APOH: variants seen among roughly 807,000 people sequenced by gnomAD.
The protein encoded by APOH is apolipoprotein H.
A neutral mutation model predicts 39.8 loss-of-function variants in APOH; 48 were observed. That is an observed-to-expected ratio of 1.21 (90% CI 0.96 to 1.54). The LOEUF (loss-of-function observed/expected upper bound fraction) is 1.54. Ranked by LOEUF, APOH falls within the 40% of genes most tolerant of loss-of-function variation. APOH has a pLI of 0.00. For synonymous variants in APOH, 153 were observed against 151.1 expected, an observed-to-expected ratio of 1.01 and a Z score of -0.09; for missense variants, 415 against 421.2, an observed-to-expected ratio of 0.99 and a Z score of 0.13.
chr17:66,223,204 G>A lies in APOH; in HGVS notation c.415+494C>T, dbSNP rs569014858. On this transcript the variant is annotated intron_variant, in intron 4 of 7. Transcript: ENST00000205948. ...TCTGAAGGCAAAGCTGCCTCCTTTGGCCTTGCAGCCTCAGTGCTAACAAGA... is the reference window on the plus strand; with the variant it reads ...TCTGAAGGCAAAGCTGCCTCCTTTGACCTTGCAGCCTCAGTGCTAACAAGA... Among the ~76,000 whole-genome samples the A allele has an allele frequency of 2.6e-5, 4 of 152,296 alleles. No homozygotes were observed. The East Asian group carries it at 7.7e-4, about 29-fold the overall frequency.
Position 66,216,909 on chromosome 17 carries a change from T to G in APOH, c.663A>C (p.Lys221Asn). The G allele has an allele frequency of 6.2e-7, 1 of 1,612,380 alleles. No homozygotes were observed. Among genetic ancestry groups the G allele is most frequent in the Non-Finnish European group, 8.5e-7 (1 of 1,179,392 alleles). Residue 221 changes from lysine to asparagine, a missense_variant, in exon 6 of 8, where the codon AAA (lysine) becomes AAC (asparagine). This residue lies in a region of APOH where 288 missense variants were observed against 284.9 expected (regional missense o/e 1.01). Transcript: ENST00000205948. ...PDNGFVNYPA[K>N]PTLYYKDKAT... ...CTTTATCCTTGTAATAAAGTGTTGG[T>G]TTTGCAGGATAGTTCACAAATCCAT...
Position 66,220,686 on chromosome 17 carries a change from G to GCTT in APOH, c.469_471dup (p.Lys157dup). ...TAGAGGGAATTGTTTCCAGCTGATG[G>GCTT]CTTATAAACACGAAGTGTTGCAAAC... On this transcript the variant is annotated inframe_insertion, in exon 5 of 8. Coordinates refer to ENST00000205948, the MANE Select transcript of APOH (RefSeq NM_000042.3). The GCTT allele has an allele frequency of 6.2e-7, 1 of 1,614,128 alleles. No homozygotes were observed.
intron 3 of APOH, 51 bp downstream of exon 3, chr17:66,225,977 T>C: frequency 7.6e-7 from 1 of 1,309,830 alleles, no homozygotes. Flanking sequence ...AGCTTAAGGA[T>C]ACAAAAATGT....
At chr17:66,219,135 T>G (rs8178850) in intron 5 of APOH, among the ~76,000 whole-genome samples, 11,130 of 152,084 alleles carry the variant, frequency 0.073, 421 homozygotes, top group African/African-American at 0.098. Flanking sequence ...CTGGGTCAAT[T>G]GGGAAAATTT....
At position 66,220,585 on chromosome 17, in the gene APOH, A is replaced by G. The variant is rs2073391092; in HGVS notation, c.573T>C (p.His191=). ...ATTCTGGTAATTTAGTCCAATTTCC[A>G]TGTGTCGTGCAGGTAATTGTATCAT... ...FGNDTITCTT[H]GNWTKLPECR... The change falls in exon 5 of 8, where the codon CAT becomes CAC. Residue 191 remains histidine (H), a synonymous_variant. Coordinates refer to ENST00000205948, the MANE Select transcript of APOH (RefSeq NM_000042.3). 3.1e-6 allele frequency: 5 copies of G among 1,614,180 alleles called. No homozygotes were observed. The highest frequency in any genetic ancestry group is 3.4e-6 in the Non-Finnish European group (4 of 1,180,006).
intron 4 of APOH, among the ~76,000 whole-genome samples, chr17:66,221,381 G>GAGGAAGGAAGGAAGGA (rs1230021025): frequency 5.6e-4 from 16 of 28,406 alleles, no homozygotes; most frequent in African/African-American, 1.2e-3. Flanking sequence ...GGGAGGGAGG[G>GAGGAAGGAAGGAAGGA]AGGAAGGAAG....
At chr17:66,223,638 G>C in intron 4 of APOH, 60 bp downstream of exon 4, 1 of 1,440,018 alleles carries the variant, frequency 6.9e-7, no homozygotes, top group Non-Finnish European at 9.8e-7. Flanking sequence ...GTGAGACTTT[G>C]AGTGCTAAAA....
At chr17:66,219,884 T>C (rs1030553873) in intron 5 of APOH, among the ~76,000 whole-genome samples, 1 of 152,112 alleles carries the variant, frequency 6.6e-6, no homozygotes, top group Non-Finnish European at 1.5e-5. Flanking sequence ...CACTCCAGCC[T>C]GAGTGACAGA....
chr17:66,223,404 C>T lies in APOH; in HGVS notation c.415+294G>A, dbSNP rs113651159. ...AATGCCACACATATCCAAGCCACTT[C>T]CAAAGCACTATGAGAGCATTGGAGT... On this transcript the variant is annotated intron_variant, in intron 4 of 7. Transcript: ENST00000205948. Among the ~76,000 whole-genome samples the T allele has an allele frequency of 5.7e-4, 87 of 152,350 alleles. 1 individual carries two copies. Among genetic ancestry groups the T allele is most frequent in the African/African-American group, 1.9e-3 (79 of 41,588 alleles).
chr17:66,225,855 C>A (rs8178908), intron 3 of APOH, among the ~76,000 whole-genome samples, 173 bp downstream of exon 3: 3,937 of 149,582 alleles, frequency 0.026, 173 homozygotes, highest in African/African-American at 0.093. Context: ...CCAGCCTGGG[C>A]GACAGAGCGA....
intron 4 of APOH, among the ~76,000 whole-genome samples, chr17:66,223,349 T>C (rs769413785): frequency 2.9e-5 from 3 of 102,536 alleles, no homozygotes; most frequent in Non-Finnish European, 5.8e-5. Flanking sequence ...GAAGTTCCTC[T>C]AGTTAAGTGG....
intron 7 of APOH, 125 bp from the exon 8 acceptor site, chr17:66,212,313 C>A (rs957254163): frequency 1.4e-6 from 1 of 719,210 alleles, no homozygotes; most frequent in African/African-American, 1.8e-5. Flanking sequence ...GTGAATGAAA[C>A]CATTTAGTGT....
rs35449692 is a variant in APOH, at chr17:66,214,474, C to T, written c.961G>A (p.Glu321Lys). ...EDAQCIDGTI[E>K]VPKCFKEHSS... ...TTACCCTTGAAGCATTTGGGGACTT[C>T]GATAGTGCCATCTATACACTGAGCA... Residue 321 changes from glutamate (E) to lysine (K), a missense_variant, in exon 7 of 8, where the codon GAA becomes AAA. Physicochemically the swap from Glu to Lys is moderately conservative, Grantham distance 56. Around this residue, in one of 3 missense-constraint regions of APOH, gnomAD observed 120 missense variants for 110.6 expected, o/e 1.08. Transcript: ENST00000205948. The T allele has an allele frequency of 1.8e-4, 291 of 1,613,804 alleles. 1 individual carries two copies. The African/African-American group carries it at 3.1e-3, about 17-fold the overall frequency.
At chr17:66,223,819 C>T (rs1199318706) in intron 3 of APOH, 45 bp from the exon 4 acceptor site, 1 of 1,508,606 alleles carries the variant, frequency 6.6e-7, no homozygotes, top group Non-Finnish European at 9.2e-7. Flanking sequence ...AATAATCCAT[C>T]ACTGACATCT....
intron 5 of APOH, 117 bp from the exon 6 acceptor site, chr17:66,217,084 G>T: frequency 1.3e-6 from 1 of 799,160 alleles, no homozygotes; most frequent in Non-Finnish European, 1.8e-6. Context: ...CCTGTAACTG[G>T]AATGCAATTT....
intron 6 of APOH, among the ~76,000 whole-genome samples, chr17:66,216,080 A>C (rs1323295510): frequency 6.6e-6 from 1 of 151,558 alleles, no homozygotes; most frequent in East Asian, 1.9e-4. Context: ...CACATCTGTA[A>C]TCACTCGAAC....
At chr17:66,213,499 A>G (rs1271215181) in intron 7 of APOH, among the ~76,000 whole-genome samples, 1 of 152,204 alleles carries the variant, frequency 6.6e-6, no homozygotes, top group African/African-American at 2.4e-5. Flanking sequence ...TGAGTTCTCT[A>G]TAATGTGGGA....
chr17:66,213,419 G>A (rs933167184), intron 7 of APOH, among the ~76,000 whole-genome samples: 20 of 152,190 alleles, frequency 1.3e-4, no homozygotes, highest in Admixed American at 1.1e-3. Context: ...TCTACGAATT[G>A]CTTGAGAAAG....
chr17:66,225,921 T>A (rs2073436641), intron 3 of APOH, 107 bp downstream of exon 3: 2 of 681,568 alleles, frequency 2.9e-6, no homozygotes, highest in Admixed American at 3.3e-5. Flanking sequence ...CATTTGAAAG[T>A]CCAACCTAAA....
Sources: allele counts gnomAD v4.1 joint callset (sites outside exome capture counted in the v4.1 genomes callset), GRCh38; gene constraint gnomAD v4.1.1; regional missense constraint gnomAD v4.1.1; transcripts MANE v1.5; gene names NCBI Gene and HGNC (gene_info 2026-07-23, HGNC 2026-07-21).